ANKRD46: variants seen among roughly 807,000 people sequenced by gnomAD.
ANKRD46 encodes the protein ankyrin repeat domain-containing protein 46.
A neutral mutation model predicts 19.8 loss-of-function variants in ANKRD46; 13 were observed. The observed-to-expected ratio is 0.66, with a 90% CI of 0.43 to 1.04. The LOEUF is 1.04. ANKRD46 is among the 50% of genes least tolerant of loss of function. The pLI, the probability that ANKRD46 is intolerant of heterozygous loss-of-function variation, is 0.00. For synonymous variants in ANKRD46, 91 were observed against 106.9 expected (o/e 0.85, Z 0.92); for missense variants, 185 against 274.8 (o/e 0.67, Z 2.31).
rs1279748190 is a variant in ANKRD46 at position 100,532,765 on chromosome 8, G to A, written c.-28+444C>T. Among the ~76,000 whole-genome samples the A allele has an allele frequency of 2.6e-5, 4 of 152,152 alleles. No homozygotes were observed. The highest frequency in any genetic ancestry group is 6.5e-5 in the Admixed American group (1 of 15,274). ...TGGGCTACATTCAAAGCTGTTCTGG[G>A]CTGCAGGTTGGACAAGCTTGCACAG... On this transcript the variant is annotated intron_variant, in intron 2 of 4. Coordinates refer to ENST00000335659, the MANE Select transcript of ANKRD46 (RefSeq NM_001270377.2). This position sits in a 1 kb window ranked among gnomAD's most constrained non-coding sequence, Gnocchi z 4.7.
At chr8:100,515,660 G>GA (rs1491241454) in intron 5 of ANKRD46, among the ~76,000 whole-genome samples, 2 of 148,188 alleles carry the variant, frequency 1.3e-5, no homozygotes, top group South Asian at 2.2e-4. Context: ...AGGTGCGGGG[G>GA]AGGGGGGGGG....
rs1401138819 is a variant in ANKRD46, at chr8:100,511,697, G to A, written c.637-1058C>T. Among the ~76,000 whole-genome samples, 1 of 152,218 alleles carries A rather than the reference G, an allele frequency of 6.6e-6. No homozygotes were observed. The highest frequency in any genetic ancestry group is 1.5e-5 in the Non-Finnish European group (1 of 68,032). ...TAAACCAATAAACCAAAGTTAGGCT[G>A]TTGGCTGAGTCATTAGGGCTCCATT... On this transcript the variant is annotated intron_variant, in intron 5 of 5. Coordinates refer to the ANKRD46 transcript ENST00000520552. This position sits in a 1 kb window ranked among gnomAD's most constrained non-coding sequence, Gnocchi z 4.1.
In ANKRD46 at chr8:100,550,730, C is replaced by T; in HGVS notation, c.-131+8981G>A. ...GGCTGGTTGTCGAGCAGTCTTACTC[C>T]TTGGAGGCCATATGGGCCACCACCC... is the stretch of plus-strand genomic sequence containing the variant. On this transcript the variant is annotated intron_variant, in intron 1 of 4. Transcript: ENST00000335659. This position sits in a 1 kb window ranked among gnomAD's most constrained non-coding sequence, Gnocchi z 4.4. 1 of 409,470 alleles carries T rather than the reference C, an allele frequency of 2.4e-6. No individual in the cohort carries two copies. Among genetic ancestry groups the T allele is most frequent in the Non-Finnish European group, 4.7e-6 (1 of 211,400 alleles). 25.4% of individuals were successfully genotyped at this position (409,470 alleles called of 1,614,324 possible).
At chr8:100,548,170 T>C (rs750284371) in intron 1 of ANKRD46, among the ~76,000 whole-genome samples, 15 of 152,006 alleles carry the variant, frequency 9.9e-5, no homozygotes, top group East Asian at 1.9e-4. Flanking sequence ...ACCTGAAATA[T>C]GTCAATGGCA....
At chr8:100,542,057 T>C (rs1033564310) in intron 1 of ANKRD46, among the ~76,000 whole-genome samples, 5 of 152,062 alleles carry the variant, frequency 3.3e-5, no homozygotes, top group Non-Finnish European at 7.4e-5. Context: ...ATGTACTGCA[T>C]CCTTCACACA....
rs1812274237 is a variant in ANKRD46, at chr8:100,546,451, T to A, written c.-130-13140A>T. Among the ~76,000 whole-genome samples the A allele has an allele frequency of 2.6e-5, 4 of 152,162 alleles. No homozygotes were observed. The South Asian group carries it at 8.3e-4, about 32-fold the overall frequency. ...CCAAGCCTTGGCAGCTTCCATGTGG[T>A]GTTGGGCCTGTAGGTGTGCAGAAGA... On this transcript the variant is annotated intron_variant, in intron 1 of 4. Coordinates refer to ENST00000335659, the MANE Select transcript of ANKRD46 (RefSeq NM_001270377.2). This position sits in a 1 kb window ranked among gnomAD's most constrained non-coding sequence, Gnocchi z 4.0.
chr8:100,521,572 C>G lies in ANKRD46; in HGVS notation c.*983G>C. On this transcript the variant is annotated 3_prime_UTR_variant, in exon 5 of 5. Coordinates refer to ENST00000335659, the MANE Select transcript of ANKRD46 (RefSeq NM_001270377.2). ...CTCAGAAATGCTCCATCCATTCTTG[C>G]CATCAGAGAATTACAGATATGGATG... The G allele has an allele frequency of 2.0e-6, 2 of 985,400 alleles. No individual in the cohort carries two copies. The highest frequency in any genetic ancestry group is 2.4e-6 in the Non-Finnish European group (2 of 829,908). The allele number at this position is 985,400 out of a possible 1,614,324, so 61.0% of individuals were successfully genotyped here. A position where few individuals can be genotyped will look rare whatever the true frequency, so the allele number is the denominator to read the frequency against.
In ANKRD46 at chr8:100,527,937, T is replaced by A. The variant is rs756447240; in HGVS notation, c.378A>T (p.Arg126=). 1 of 1,608,278 alleles carries A rather than the reference T, an allele frequency of 6.2e-7. No homozygotes were observed. Among genetic ancestry groups the A allele is most frequent in the Non-Finnish European group, 8.5e-7 (1 of 1,179,342 alleles). Residue 126 remains arginine (R), a synonymous_variant, in exon 4 of 5, where the codon CGA becomes CGT. Coordinates refer to ENST00000335659, the MANE Select transcript of ANKRD46 (RefSeq NM_001270377.2). The surrounding 1 kb of genome is among the most constrained non-coding windows in gnomAD (Gnocchi z 4.0). The part of the protein sequence containing the change: ...KRRGVNKDVI[R]LLESLEEQEV... ...CCTGTTCTTCCAAAGATTCCAGCAA[T>A]CGGATGACATCTTTATTTACTCCTC... is the stretch of plus-strand genomic sequence containing the variant.
rs916163110 is a variant in ANKRD46 at position 100,552,104 on chromosome 8, C to T, written c.-131+7607G>A. Among the ~76,000 whole-genome samples the T allele has an allele frequency of 5.4e-5, 8 of 147,130 alleles. No homozygotes were observed. The South Asian group carries it at 1.1e-3, about 20-fold the overall frequency. ...GGTGGAGGTTGCAGTGAGCCAAGAT[C>T]GCGCCACTGCACTCCAGCCTGGGTG... On this transcript the variant is annotated intron_variant, in intron 1 of 4. Coordinates refer to ENST00000335659, the MANE Select transcript of ANKRD46 (RefSeq NM_001270377.2).
intron 1 of ANKRD46, chr8:100,554,731 A>C (rs576822684): frequency 1.3e-5 from 2 of 152,084 alleles, no homozygotes; most frequent in Admixed American, 6.6e-5. Context: ...TCTCAAAAAA[A>C]CACAAGGAAA....
Position 100,543,742 on chromosome 8 carries a change from A to G in ANKRD46, c.-130-10431T>C, listed in dbSNP as rs1320195448. ...AGAGAAGTATAAGAAAAGACACACA[A>G]AAACAAATTAAAGGCAAACTTTCAG... On this transcript the variant is annotated intron_variant, in intron 1 of 4. Coordinates refer to ENST00000335659, the MANE Select transcript of ANKRD46 (RefSeq NM_001270377.2). This position sits in a 1 kb window ranked among gnomAD's most constrained non-coding sequence, Gnocchi z 4.2. 2.6e-5 allele frequency among the ~76,000 whole-genome samples: 4 copies of G among 152,168 alleles called. No homozygotes were observed. The highest frequency in any genetic ancestry group is 5.9e-5 in the Non-Finnish European group (4 of 68,016).
At position 100,544,612 on chromosome 8, in the gene ANKRD46, T is replaced by C. The variant is rs1274700985; in HGVS notation, c.-130-11301A>G. On this transcript the variant is annotated intron_variant, in intron 1 of 4. Transcript: ENST00000335659. The surrounding 1 kb of genome is among the most constrained non-coding windows in gnomAD (Gnocchi z 4.4). ...TAAGTACTAGACACCAATCAAAACG[T>C]TTGTATCTTAGGTCCTAACTCGGCC... Among the ~76,000 whole-genome samples, 4 of 152,160 alleles carry C rather than the reference T, an allele frequency of 2.6e-5. No homozygotes were observed. The highest frequency in any genetic ancestry group is 2.1e-4 in the South Asian group (1 of 4,836).
rs1458946774 is a variant in ANKRD46, at chr8:100,541,764, T to C, written c.-130-8453A>G. Among the ~76,000 whole-genome samples the C allele has an allele frequency of 2.0e-5, 3 of 152,244 alleles. No individual in the cohort carries two copies. In the East Asian group the frequency reaches 5.8e-4, roughly 29 times the overall value. On this transcript the variant is annotated intron_variant, in intron 1 of 4. Transcript: ENST00000335659. ...CAAAATGCAGTCATACACTGCATAA[T>C]GACATTTTGGTCAACGACGGACTGC...
Position 100,514,617 on chromosome 8 carries a change from C to CTT in ANKRD46, c.637-3980_637-3979dup, listed in dbSNP as rs35216029. Among the ~76,000 whole-genome samples, 32 of 74,058 alleles carry CTT rather than the reference C, an allele frequency of 4.3e-4. 3 individuals carry two copies. The highest frequency in any genetic ancestry group is 2.1e-3 in the East Asian group (6 of 2,916). 48.6% of individuals were successfully genotyped at this position (74,058 alleles called of 152,430 possible). A position where few individuals can be genotyped will look rare whatever the true frequency, so the allele number is the denominator to read the frequency against. ...TGAGTGTGGGTTATTCCTCCATCTT[C>CTT]TTTTTTTTTTTTTTTTTTTTTTGAG... On this transcript the variant is annotated intron_variant, in intron 5 of 5. Transcript: ENST00000520552.
chr8:100,511,956 C>T lies in ANKRD46; in HGVS notation c.637-1317G>A, dbSNP rs558097878. On this transcript the variant is annotated intron_variant, in intron 5 of 5. Transcript: ENST00000520552. This position sits in a 1 kb window ranked among gnomAD's most constrained non-coding sequence, Gnocchi z 4.1. ...AGAAGAATTGCTTGAACCCAGGTGG[C>T]GGAGGCTGCGGTGAGCCGAGATTGT... Among the ~76,000 whole-genome samples the T allele has an allele frequency of 6.6e-4, 101 of 152,286 alleles. No individual in the cohort carries two copies. The highest frequency in any genetic ancestry group is 2.4e-3 in the African/African-American group (98 of 41,570).
In ANKRD46 at chr8:100,529,432, G is replaced by C; in HGVS notation, c.311+91C>G. The C allele has an allele frequency of 7.5e-7, 1 of 1,330,756 alleles. No individual in the cohort carries two copies. Among genetic ancestry groups the C allele is most frequent in the East Asian group, 2.3e-5 (1 of 42,632 alleles). The allele number at this position is 1,330,756 out of a possible 1,614,324, so 82.4% of individuals were successfully genotyped here. A position where few individuals can be genotyped will look rare whatever the true frequency, so the allele number is the denominator to read the frequency against. On this transcript the variant is annotated intron_variant, in intron 3 of 4. Coordinates refer to ENST00000335659, the MANE Select transcript of ANKRD46 (RefSeq NM_001270377.2). The surrounding 1 kb of genome is among the most constrained non-coding windows in gnomAD (Gnocchi z 5.8). Reference sequence around the variant, plus strand: ...TGAACTTATTTCAACTGATTAATGAGGAAACAAAACCAACAGACCCAAGAT... The same window carrying C: ...TGAACTTATTTCAACTGATTAATGACGAAACAAAACCAACAGACCCAAGAT...
chr8:100,527,819 G>GAA lies in ANKRD46; in HGVS notation c.470+24_470+25dup. On this transcript the variant is annotated intron_variant, in intron 4 of 4. Coordinates refer to ENST00000335659, the MANE Select transcript of ANKRD46 (RefSeq NM_001270377.2). The surrounding 1 kb of genome is among the most constrained non-coding windows in gnomAD (Gnocchi z 4.0). ...GTTCAAGGAATGAGTAATACAGTGA[G>GAA]AAAAAAAAAGTTGTATCTCCAGTAC... 6.3e-7 allele frequency: 1 copy of GAA among 1,595,526 alleles called. No individual in the cohort carries two copies. The highest frequency in any genetic ancestry group is 8.5e-7 in the Non-Finnish European group (1 of 1,170,142).
At chr8:100,553,203 T>C (rs1812427813) in intron 1 of ANKRD46, among the ~76,000 whole-genome samples, 1 of 152,182 alleles carries the variant, frequency 6.6e-6, no homozygotes, top group Non-Finnish European at 1.5e-5. Context: ...AAAATAAGCC[T>C]ATTGTGGGAA....
intron 1 of ANKRD46, among the ~76,000 whole-genome samples, chr8:100,542,359 C>T (rs952639483): frequency 3.3e-5 from 5 of 152,048 alleles, no homozygotes; most frequent in African/African-American, 7.3e-5. Flanking sequence ...TAAGGAGATG[C>T]CTTAGTCAAA....
Sources: allele counts gnomAD v4.1 joint callset (sites outside exome capture counted in the v4.1 genomes callset), GRCh38; gene constraint gnomAD v4.1.1; non-coding constraint Gnocchi (gnomAD v3.1); transcripts MANE v1.5; gene names NCBI Gene and HGNC (gene_info 2026-07-23, HGNC 2026-07-21).